Variants in HMCN2 observed in about 807,000 individuals in gnomAD.
HMCN2 encodes the protein hemicentin 2.
HMCN2 carries 325 observed loss-of-function variants against 377.5 expected under a neutral mutation model. The ratio of observed to expected loss-of-function variants is 0.86; its 90% CI spans 0.79 to 0.94. The LOEUF (loss-of-function observed/expected upper bound fraction) is 0.94, where lower values mean the gene tolerates loss of function less well. Ranked by LOEUF, HMCN2 falls within the 40% of genes least tolerant of loss-of-function variation. The pLI is 0.00. For synonymous variants in HMCN2, 2,007 were observed against 2,046.8 expected, an observed-to-expected ratio of 0.98 and a Z score of 0.53; for missense variants, 4,543 against 4,725.3, an observed-to-expected ratio of 0.96 and a Z score of 1.13.
At chr9:130,352,864 C>T in intron 30 of HMCN2, 63 bp from the exon 31 acceptor site, 2 of 1,197,946 alleles carry the variant, frequency 1.7e-6, no homozygotes, top group South Asian at 3.0e-5. Flanking sequence ...GTCTGCTGCC[C>T]TGGGGAAGAT....
chr9:130,427,333 C>G lies in HMCN2; in HGVS notation c.13900C>G (p.Pro4634Ala). The G allele has an allele frequency of 6.4e-7, 1 of 1,550,532 alleles. No individual in the cohort carries two copies. Among genetic ancestry groups the G allele is most frequent in the Non-Finnish European group, 8.7e-7 (1 of 1,146,988 alleles). ...TGCAGAGGAGAACGAGGTCGGCTGCCCCGAGGGCTTTGAGCTGGACTCCCA... is the reference window on the plus strand; with the variant it reads ...TGCAGAGGAGAACGAGGTCGGCTGCGCCGAGGGCTTTGAGCTGGACTCCCA... ...LQAEENEVGC[P>A]EGFELDSQGA... Residue 4634 changes from proline to alanine, a missense_variant, in exon 91 of 98, where the codon CCC becomes GCC. By Grantham distance (27) the Pro-to-Ala change is conservative. Transcript: ENST00000683500.
At chr9:130,328,436 G>A (rs1838261032) in intron 22 of HMCN2, among the ~76,000 whole-genome samples, 5 of 152,152 alleles carry the variant, frequency 3.3e-5, no homozygotes, top group South Asian at 2.1e-4. Context: ...TTACTGAAAC[G>A]GGAACCGCAT....
rs149499216 is a variant in HMCN2, at chr9:130,288,484, C to T, written c.612+2174C>T. 4.0e-3 allele frequency among the ~76,000 whole-genome samples: 604 copies of T among 152,358 alleles called. 5 individuals are homozygous for T. The highest frequency in any genetic ancestry group is 0.014 in the African/African-American group (571 of 41,584). On this transcript the variant is annotated intron_variant, in intron 4 of 97. Transcript: ENST00000683500. ...CAAGCCTGGGAAGGTGGCTGGACAG[C>T]CAGGGCTGCGGTCACCCTCCCAGGA...
intron 85 of HMCN2, among the ~76,000 whole-genome samples, chr9:130,417,982 A>G (rs1435880167): frequency 2.0e-5 from 3 of 152,162 alleles, no homozygotes; most frequent in Non-Finnish European, 4.4e-5. Context: ...GTGGACAGGA[A>G]GCATCATCCC....
At chr9:130,356,064 C>A in intron 33 of HMCN2, 24 bp from the exon 34 acceptor site, 1 of 1,210,512 alleles carries the variant, frequency 8.3e-7, no homozygotes. Flanking sequence ...CAGGTTGACA[C>A]GCCCCCCTCC....
chr9:130,367,769 C>T lies in HMCN2; in HGVS notation c.6626-507C>T, dbSNP rs141638103. ...CAGCCTAACTAACATGGTGACACCC[C>T]GTCTCTACTAAAAAATACAAAAATT... is the stretch of plus-strand genomic sequence containing the variant. On this transcript the variant is annotated intron_variant, in intron 43 of 97. Transcript: ENST00000683500. Among the ~76,000 whole-genome samples, 308 of 151,718 alleles carry T rather than the reference C, an allele frequency of 2.0e-3. 1 individual carries two copies. Among genetic ancestry groups the T allele is most frequent in the Non-Finnish European group, 3.6e-3 (241 of 67,878 alleles).
At chr9:130,342,710 C>T (rs1215168176) in intron 25 of HMCN2, among the ~76,000 whole-genome samples, 3 of 152,166 alleles carry the variant, frequency 2.0e-5, no homozygotes, top group African/African-American at 7.2e-5. Flanking sequence ...AAGTGTGACC[C>T]CTGCCCTGCC....
intron 1 of HMCN2, among the ~76,000 whole-genome samples, chr9:130,270,730 T>G (rs1464243277): frequency 1.3e-5 from 2 of 148,794 alleles, no homozygotes; most frequent in African/African-American, 4.9e-5. Flanking sequence ...GGACTACAGG[T>G]GCACACCACC....
chr9:130,419,909 C>T (rs1015335352), intron 86 of HMCN2, among the ~76,000 whole-genome samples: 1 of 152,196 alleles, frequency 6.6e-6, no homozygotes, highest in African/African-American at 2.4e-5. Flanking sequence ...CCTTTCTGGC[C>T]GTTGCTCTCA....
At chr9:130,287,958 T>A (rs947424240) in intron 4 of HMCN2, among the ~76,000 whole-genome samples, 2 of 152,198 alleles carry the variant, frequency 1.3e-5, no homozygotes, top group Non-Finnish European at 2.9e-5. Flanking sequence ...GTGCCTTAAC[T>A]CCCTGTTGAC....
rs1588431509 is a variant in HMCN2, at chr9:130,418,893, A to C, written c.13083A>C (p.Gln4361His). ...TPTIEWLQAG[Q>H]PLRASRRLRT... is the part of the protein sequence containing the mutation. ...CCATTGAATGGCTACAGGCGGGTCA[A>C]CCCTTGCGGGCCAGCCGGCGGCTCC... Residue 4361 changes from glutamine (Q) to histidine (H), a missense_variant, in exon 86 of 98, where the codon CAA becomes CAC. Physicochemically the swap from Gln to His is conservative, Grantham distance 24 (BLOSUM62 0). Transcript: ENST00000683500. 1.9e-6 allele frequency: 3 copies of C among 1,549,684 alleles called. No homozygotes were observed. Among genetic ancestry groups the C allele is most frequent in the Non-Finnish European group, 2.6e-6 (3 of 1,146,430 alleles).
chr9:130,347,431 C>T lies in HMCN2; in HGVS notation c.4024+71C>T, dbSNP rs1229110940. On this transcript the variant is annotated intron_variant, in intron 26 of 97. Coordinates refer to ENST00000683500, the MANE Select transcript of HMCN2 (RefSeq NM_001291815.2). This position sits in a 1 kb window ranked among gnomAD's most constrained non-coding sequence, Gnocchi z 5.1. ...GACCCAGAGACGGGCCTGTCTTCCT[C>T]CCAGGACCGCATCCGGCCAGAGGCC... 1 of 152,260 alleles carries T rather than the reference C, an allele frequency of 6.6e-6. No homozygotes were observed. Among genetic ancestry groups the T allele is most frequent in the Non-Finnish European group, 1.5e-5 (1 of 68,154 alleles). The allele number at this position is 152,260 out of a possible 1,614,324, so 9.4% of individuals were successfully genotyped here. A position where few individuals can be genotyped will look rare whatever the true frequency, so the allele number is the denominator to read the frequency against.
intron 22 of HMCN2, among the ~76,000 whole-genome samples, chr9:130,331,396 G>C (rs1226089026): frequency 6.6e-6 from 1 of 152,078 alleles, no homozygotes; most frequent in African/African-American, 2.4e-5. Flanking sequence ...CTTTCCTGTG[G>C]GACTTATTTT....
intron 85 of HMCN2, among the ~76,000 whole-genome samples, chr9:130,411,225 C>CA (rs1843391351): frequency 6.7e-6 from 1 of 148,304 alleles, no homozygotes; most frequent in African/African-American, 2.6e-5. Context: ...AAAAAAAAAA[C>CA]AACAAACTTT....
chr9:130,430,070 C>T, intron 94 of HMCN2: 1 of 609,790 alleles, frequency 1.6e-6, no homozygotes, highest in Non-Finnish European at 2.9e-6. Context: ...AGGCTGAGAG[C>T]TGGGGAGGCT....
chr9:130,351,760 T>C lies in HMCN2; in HGVS notation c.4585+183T>C, dbSNP rs1247392766. On this transcript the variant is annotated intron_variant, in intron 30 of 97. Transcript: ENST00000683500. This position sits in a 1 kb window ranked among gnomAD's most constrained non-coding sequence, Gnocchi z 5.4. Reference sequence around the variant, plus strand: ...TCAGGGTCAGGGGATAGAGGTTATCTGGCCCAGCATTTTCCAAATCCGTGG... The same window carrying C: ...TCAGGGTCAGGGGATAGAGGTTATCCGGCCCAGCATTTTCCAAATCCGTGG... Among the ~76,000 whole-genome samples the C allele has an allele frequency of 5.9e-5, 9 of 151,680 alleles. No individual in the cohort carries two copies. The highest frequency in any genetic ancestry group is 5.9e-4 in the Admixed American group (9 of 15,246).
chr9:130,278,824 A>G (rs1465800194), intron 1 of HMCN2, among the ~76,000 whole-genome samples: 2 of 138,882 alleles, frequency 1.4e-5, no homozygotes, highest in East Asian at 4.4e-4. Context: ...CAGGTGATCC[A>G]CCCGCCTCGG....
chr9:130,371,042 G>A lies in HMCN2; in HGVS notation c.7148G>A (p.Cys2383Tyr). The change falls in exon 46 of 98, where the codon TGT (cysteine) becomes TAT (tyrosine). Residue 2383 changes from cysteine (C) to tyrosine (Y), a missense_variant. This residue lies in a region of HMCN2 where 1,032 missense variants were observed against 1,285.1 expected (regional missense o/e 0.80). Transcript: ENST00000683500. ...AALHSPLTLL[C>Y]EAMGIPPPAI... ...TTGCACAGCCCCTTAACTCTGCTCT[G>A]TGAAGCCATGGGGATCCCACCTCCA... The A allele has an allele frequency of 1.0e-6, 1 of 985,948 alleles. No homozygotes were observed. The highest frequency in any genetic ancestry group is 1.2e-6 in the Non-Finnish European group (1 of 830,010). The allele number at this position is 985,948 out of a possible 1,614,324, so 61.1% of individuals were successfully genotyped here.
At chr9:130,355,942 G>T (rs1020901828) in intron 33 of HMCN2, 88 bp downstream of exon 33, 11 of 946,876 alleles carry the variant, frequency 1.2e-5, no homozygotes, top group Non-Finnish European at 1.3e-5. Context: ...CAGGAGAGAG[G>T]CTTCCTGTTT....
Sources: gnomAD v4.1 joint callset for allele counts (sites outside exome capture counted in the v4.1 genomes callset) on GRCh38, gnomAD v4.1.1 for gene constraint, gnomAD v4.1.1 regional missense constraint, Gnocchi (gnomAD v3.1) non-coding constraint, MANE v1.5 for transcripts, NCBI Gene and HGNC (gene_info 2026-07-23, HGNC 2026-07-21) for gene names.